Variants in ARFGAP3 observed in about 807,000 individuals in gnomAD.
The protein encoded by ARFGAP3 is ADP-ribosylation factor GTPase-activating protein 3.
A neutral mutation model predicts 75.0 loss-of-function variants in ARFGAP3; 72 were observed. That is an observed-to-expected ratio of 0.96 (90% CI 0.79 to 1.17). The LOEUF is 1.17. Among genes scored for constraint, ARFGAP3 ranks in the 50% most tolerant of loss-of-function variants. The probability of loss-of-function intolerance (pLI) is 0.00; values close to 1 mark genes in which losing one functional copy is unlikely to be tolerated. For synonymous variants in ARFGAP3, 221 were observed against 217.9 expected (o/e 1.01, Z -0.13); for missense variants, 620 against 626.6 (o/e 0.99, Z 0.11).
In ARFGAP3 at chr22:42,826,963, T is replaced by C; in HGVS notation, c.602A>G (p.Asn201Ser). The part of the protein sequence containing the change: ...QEQGPSVEGL[N>S]VPTKATLEVS... ...ACCTAAAGTAGCCTTTGTTGGTACA[T>C]TAAGACCTTCCACACTTGGTCCTTG... The change falls in exon 7 of 16, where the codon AAT (asparagine) becomes AGT (serine). Residue 201 changes from asparagine (N) to serine (S), a missense_variant. By Grantham distance (46) the Asn-to-Ser change is conservative. Coordinates refer to ENST00000263245, the MANE Select transcript of ARFGAP3 (RefSeq NM_014570.5). 6.2e-7 allele frequency: 1 copy of C among 1,613,744 alleles called. No individual in the cohort carries two copies. The highest frequency in any genetic ancestry group is 8.5e-7 in the Non-Finnish European group (1 of 1,179,920).
At chr22:42,853,337 T>C (rs1409839252) in intron 1 of ARFGAP3, 1 of 194,730 alleles carries the variant, frequency 5.1e-6, no homozygotes, top group African/African-American at 2.3e-5. Context: ...GGTGGGCACA[T>C]GGTGGAGATA....
intron 6 of ARFGAP3, among the ~76,000 whole-genome samples, chr22:42,830,792 C>T (rs1364089947): frequency 6.6e-6 from 1 of 152,094 alleles, no homozygotes; most frequent in Admixed American, 6.6e-5. Context: ...AAAAGTAACC[C>T]ATACTCATTA....
chr22:42,826,663 G>A (rs1008469159), intron 7 of ARFGAP3, among the ~76,000 whole-genome samples: 2 of 152,114 alleles, frequency 1.3e-5, no homozygotes, highest in African/African-American at 4.8e-5. Flanking sequence ...GCTTCATAAA[G>A]CGTTAGGATT....
rs566738920 is a variant in ARFGAP3 at position 42,848,273 on chromosome 22, A to ATTTTT, written c.70-642_70-641insAAAAA. 3.7e-3 allele frequency among the ~76,000 whole-genome samples: 566 copies of ATTTTT among 152,002 alleles called. 2 individuals carry two copies. Among genetic ancestry groups the ATTTTT allele is most frequent in the African/African-American group, 0.013 (547 of 41,472 alleles). On this transcript the variant is annotated intron_variant, in intron 1 of 15. Coordinates refer to ENST00000263245, the MANE Select transcript of ARFGAP3 (RefSeq NM_014570.5). ...GCCCAGGCTGGAGTGCAGCGGCACGATTTCGTCTCACTGCAAGCTCCGCCT... is the reference window on the plus strand; with the variant it reads ...GCCCAGGCTGGAGTGCAGCGGCACGATTTTTTTTCGTCTCACTGCAAGCTCCGCCT...
intron 1 of ARFGAP3, among the ~76,000 whole-genome samples, chr22:42,851,243 A>C (rs374748088): frequency 1.3e-5 from 2 of 152,354 alleles, no homozygotes; most frequent in African/African-American, 2.4e-5. Context: ...GTTTCCTAGT[A>C]AGCAAGGACA....
chr22:42,822,541 C>T, intron 8 of ARFGAP3, 132 bp from the exon 9 acceptor site: 1 of 1,097,492 alleles, frequency 9.1e-7, no homozygotes, highest in Non-Finnish European at 1.3e-6. Flanking sequence ...TGGCTTAGTC[C>T]TCAGAACTCT....
At chr22:42,833,055 G>T (rs908966738) in intron 5 of ARFGAP3, among the ~76,000 whole-genome samples, 3 of 152,072 alleles carry the variant, frequency 2.0e-5, no homozygotes, top group Non-Finnish European at 4.4e-5. Flanking sequence ...CGCCTTTTAG[G>T]CTTTACTTTC....
chr22:42,837,675 CTTTTTTTTTTTTT>C (rs71186547), intron 3 of ARFGAP3, among the ~76,000 whole-genome samples: 1 of 75,662 alleles, frequency 1.3e-5, no homozygotes, highest in Non-Finnish European at 2.1e-5. Context: ...AGGCATACTT[CTTTTTTTTTTTTT>C]TTTTTTTTTG....
intron 9 of ARFGAP3, among the ~76,000 whole-genome samples, chr22:42,819,936 T>C (rs1925739180): frequency 6.6e-6 from 1 of 152,128 alleles, no homozygotes; most frequent in Non-Finnish European, 1.5e-5. Flanking sequence ...TCAAATCAAA[T>C]TCATAAATCT....
intron 2 of ARFGAP3, among the ~76,000 whole-genome samples, chr22:42,842,954 G>A (rs1926850003): frequency 6.6e-6 from 1 of 151,902 alleles, no homozygotes; most frequent in South Asian, 2.1e-4. Context: ...TCTCTTGCTC[G>A]CTCCTGCCAA....
intron 7 of ARFGAP3, among the ~76,000 whole-genome samples, chr22:42,825,502 C>T (rs1381487454): frequency 3.3e-5 from 5 of 151,728 alleles, no homozygotes; most frequent in East Asian, 1.9e-4. Context: ...GGTGAAACCC[C>T]GTCTCCACTA....
chr22:42,822,941 C>T (rs991006922), intron 8 of ARFGAP3, among the ~76,000 whole-genome samples: 3 of 152,024 alleles, frequency 2.0e-5, no homozygotes, highest in Non-Finnish European at 4.4e-5. Context: ...TCCCGAGTAG[C>T]TGGGACTACA....
rs1458437793 is a variant in ARFGAP3 at position 42,840,970 on chromosome 22, T to C, written c.235A>G (p.Met79Val). The C allele has an allele frequency of 6.2e-7, 1 of 1,614,214 alleles. No individual in the cohort carries two copies. Among genetic ancestry groups the C allele is most frequent in the South Asian group, 1.1e-5 (1 of 91,072 alleles). The change falls in exon 3 of 16, where the codon ATG (methionine) becomes GTG (valine). Residue 79 changes from methionine to valine, a missense_variant. Met to Val is a conservative substitution (Grantham distance 21). Transcript: ENST00000263245. The stretch of plus-strand genomic sequence containing the variant: ...GCACTAGCGTTTCCTCCGACTTGCA[T>C]GCATCGCAACTGAAACCATGACCAG... ...SNWSWFQLRC[M>V]QVGGNASASS...
chr22:42,856,463 G>T (rs1425278077), intron 1 of ARFGAP3, among the ~76,000 whole-genome samples: 1 of 151,978 alleles, frequency 6.6e-6, no homozygotes, highest in Non-Finnish European at 1.5e-5. Context: ...GCTGCGCAAA[G>T]CTGTAAAAGT....
chr22:42,810,300 C>G (rs937305962), intron 12 of ARFGAP3, among the ~76,000 whole-genome samples: 1 of 151,806 alleles, frequency 6.6e-6, no homozygotes, highest in Non-Finnish European at 1.5e-5. Context: ...ACCGTCTCTA[C>G]TAAAAGTACA....
intron 14 of ARFGAP3, among the ~76,000 whole-genome samples, chr22:42,802,318 C>T (rs1025750847): frequency 6.6e-6 from 1 of 151,704 alleles, no homozygotes; most frequent in African/African-American, 2.4e-5. Flanking sequence ...CAGAGTCTCG[C>T]TGTGTCACCC....
rs1330110627 is a variant in ARFGAP3 at position 42,857,189 on chromosome 22, C to T, written c.-7G>A. On this transcript the variant is annotated 5_prime_UTR_variant, in exon 1 of 16. Coordinates refer to ENST00000263245, the MANE Select transcript of ARFGAP3 (RefSeq NM_014570.5). ...GCTTGCTGGGGTCCCCCATCGTCAG[C>T]TGTGAGCCGCGGCGCAGCTGGCCCA... 2 of 1,510,126 alleles carry T rather than the reference C, an allele frequency of 1.3e-6. No homozygotes were observed. Among genetic ancestry groups the T allele is most frequent in the Admixed American group, 2.1e-5 (1 of 46,898 alleles). 93.5% of individuals were successfully genotyped at this position (1,510,126 alleles called of 1,614,324 possible). A position where few individuals can be genotyped will look rare whatever the true frequency, so the allele number is the denominator to read the frequency against.
intron 14 of ARFGAP3, 54 bp from the exon 15 acceptor site, chr22:42,799,214 A>C: frequency 6.2e-7 from 1 of 1,602,758 alleles, no homozygotes; most frequent in Non-Finnish European, 8.5e-7. Flanking sequence ...CAGCTGCGGC[A>C]AACCCAGTAC....
rs542869132 is a variant in ARFGAP3 at position 42,846,841 on chromosome 22, C to T, written c.188+673G>A. 1.8e-4 allele frequency among the ~76,000 whole-genome samples: 28 copies of T among 152,288 alleles called. 1 individual carries two copies. The South Asian group carries it at 5.4e-3, about 29-fold the overall frequency. Reference sequence around the variant, plus strand: ...TTATTAGAAGATGATTGACATAAATCGGTTTTTCATTGCTTGTAACAGAAT... The same window carrying T: ...TTATTAGAAGATGATTGACATAAATTGGTTTTTCATTGCTTGTAACAGAAT... On this transcript the variant is annotated intron_variant, in intron 2 of 15. Coordinates refer to ENST00000263245, the MANE Select transcript of ARFGAP3 (RefSeq NM_014570.5).
Sources: allele counts gnomAD v4.1 joint callset (sites outside exome capture counted in the v4.1 genomes callset), GRCh38; gene constraint gnomAD v4.1.1; transcripts MANE v1.5; gene names NCBI Gene and HGNC (gene_info 2026-07-23, HGNC 2026-07-21).